Variants in ATP2C2 observed in about 807,000 individuals in gnomAD.
The protein encoded by ATP2C2 is ATPase secretory pathway Ca2+ transporting 2, also known as calcium-transporting ATPase type 2C member 2.
Under a neutral mutation model 110.8 loss-of-function variants are expected in ATP2C2, and 171 were observed. That is an observed-to-expected ratio of 1.54 (90% CI 1.36 to 1.75). The LOEUF is 1.75. Ranked by LOEUF, ATP2C2 falls within the 40% of genes most tolerant of loss-of-function variation. ATP2C2 has a pLI of 0.00. For missense variants in ATP2C2, 1,963 were observed against 1,235.0 expected, an observed-to-expected ratio of 1.59 and a Z score of -8.84; for synonymous variants, 804 against 508.4, an observed-to-expected ratio of 1.58 and a Z score of -7.82.
intron 7 of ATP2C2, among the ~76,000 whole-genome samples, chr16:84,416,704 C>T (rs1597796987): frequency 2.0e-5 from 3 of 152,136 alleles, no homozygotes; most frequent in Non-Finnish European, 4.4e-5. Context: ...GAGGGTTCGC[C>T]CTCGGGCTCA....
Position 84,430,709 on chromosome 16 carries a change from G to A in ATP2C2, c.986+4908G>A, listed in dbSNP as rs187646523. On this transcript the variant is annotated intron_variant, in intron 11 of 26. Coordinates refer to ENST00000262429, the MANE Select transcript of ATP2C2 (RefSeq NM_014861.4). ...GAAGAGGGAGGGACCAGGGTCTTTTGGTGCTGGAGAAGGAGCAGGAGTAGA... is the reference window on the plus strand; with the variant it reads ...GAAGAGGGAGGGACCAGGGTCTTTTAGTGCTGGAGAAGGAGCAGGAGTAGA... Among the ~76,000 whole-genome samples, 5 of 151,578 alleles carry A rather than the reference G, an allele frequency of 3.3e-5. No homozygotes were observed. In the East Asian group the frequency reaches 9.7e-4, roughly 30 times the overall value.
chr16:84,410,422 G>C, intron 4 of ATP2C2, 146 bp from the exon 5 acceptor site: 2 of 920,720 alleles, frequency 2.2e-6, no homozygotes, highest in Non-Finnish European at 3.5e-6. Flanking sequence ...CTTTTGGCTA[G>C]TATATTTTCT....
chr16:84,399,111 C>G (rs577168275), intron 2 of ATP2C2, among the ~76,000 whole-genome samples: 4 of 152,198 alleles, frequency 2.6e-5, no homozygotes, highest in Non-Finnish European at 5.9e-5. Flanking sequence ...CTGGCCAGTG[C>G]AAGACAAACA....
At position 84,383,735 on chromosome 16, in the gene ATP2C2, C is replaced by CTGTGTGTGTGTGTGTGTGTGTGTGTGTG. The variant is rs143797673; in HGVS notation, c.100-14749_100-14748insGTGTGTGTGTGTGTGTGTGTGTGTGTGT. Among the ~76,000 whole-genome samples the CTGTGTGTGTGTGTGTGTGTGTGTGTGTG allele has an allele frequency of 9.1e-3, 1,248 of 137,576 alleles. 27 individuals are homozygous for CTGTGTGTGTGTGTGTGTGTGTGTGTGTG. The highest frequency in any genetic ancestry group is 0.014 in the South Asian group (56 of 3,932). The allele number at this position is 137,576 out of a possible 152,430, so 90.3% of individuals were successfully genotyped here. A position where few individuals can be genotyped will look rare whatever the true frequency, so the allele number is the denominator to read the frequency against. On this transcript the variant is annotated intron_variant, in intron 1 of 26. Coordinates refer to ENST00000262429, the MANE Select transcript of ATP2C2 (RefSeq NM_014861.4). ...GATGCTGTATTATTTCTGAATACAT[C>CTGTGTGTGTGTGTGTGTGTGTGTGTGTG]TGTGTGTGTGTGTGTATGTGTGTGT...
At chr16:84,386,138 A>G (rs564454307) in intron 1 of ATP2C2, among the ~76,000 whole-genome samples, 17 of 152,120 alleles carry the variant, frequency 1.1e-4, no homozygotes, top group Non-Finnish European at 2.2e-4. Flanking sequence ...GGAAAAAGCC[A>G]TTTCTCCCAG....
intron 18 of ATP2C2, among the ~76,000 whole-genome samples, chr16:84,452,410 A>G (rs1424859116): frequency 6.6e-6 from 1 of 151,524 alleles, no homozygotes; most frequent in Non-Finnish European, 1.5e-5. Flanking sequence ...TTCTGCCTCT[A>G]GCTGTGTACC....
In ATP2C2 at chr16:84,460,760, G is replaced by A; in HGVS notation, c.2440G>A (p.Ala814Thr). The A allele has an allele frequency of 5.6e-6, 9 of 1,614,038 alleles. No homozygotes were observed. Among genetic ancestry groups the A allele is most frequent in the Non-Finnish European group, 7.6e-6 (9 of 1,179,934 alleles). The change falls in exon 24 of 27, where the codon GCC (alanine) becomes ACC (threonine). Residue 814 changes from alanine to threonine, a missense_variant. Coordinates refer to ENST00000262429, the MANE Select transcript of ATP2C2 (RefSeq NM_014861.4). ...ALILKILMSA[A>T]IIISGTLFIF... ...CATCCTGAAGATCCTCATGTCCGCG[G>A]CCATCATCATCAGCGGGACCCTCTT...
chr16:84,453,297 C>A (rs114737121), intron 19 of ATP2C2, 24 bp from the exon 20 acceptor site: 1 of 1,614,068 alleles, frequency 6.2e-7, no homozygotes, highest in Non-Finnish European at 8.5e-7. Flanking sequence ...TCTGATTCTT[C>A]GTCTTCCCCG....
chr16:84,389,329 G>A (rs573113195), intron 1 of ATP2C2, among the ~76,000 whole-genome samples: 1 of 152,326 alleles, frequency 6.6e-6, no homozygotes, highest in African/African-American at 2.4e-5. Context: ...GATCTGCACT[G>A]GGGCCCGCCC....
chr16:84,462,175 T>TG (rs780662548), intron 26 of ATP2C2, 46 bp downstream of exon 26: 22 of 1,582,916 alleles, frequency 1.4e-5, no homozygotes, highest in East Asian at 4.5e-5. Context: ...ACCAGGGCCA[T>TG]GGGGGGCGGC....
chr16:84,406,311 TCA>T (rs1298331597), intron 3 of ATP2C2, among the ~76,000 whole-genome samples: 1 of 152,206 alleles, frequency 6.6e-6, no homozygotes, highest in Non-Finnish European at 1.5e-5. Flanking sequence ...CAGGACCAGT[TCA>T]GAAAGGCTCA....
intron 7 of ATP2C2, among the ~76,000 whole-genome samples, 157 bp downstream of exon 7, chr16:84,415,748 C>T (rs1257881633): frequency 6.6e-6 from 1 of 152,216 alleles, no homozygotes; most frequent in African/African-American, 2.4e-5. Context: ...AGCAGACAAG[C>T]GTGTTCTACG....
chr16:84,388,100 G>A (rs938934794), intron 1 of ATP2C2, among the ~76,000 whole-genome samples: 1 of 152,118 alleles, frequency 6.6e-6, no homozygotes, highest in South Asian at 2.1e-4. Context: ...GGGAGGCCGA[G>A]GTGGGTAGAT....
chr16:84,453,014 G>A, intron 18 of ATP2C2, 124 bp from the exon 19 acceptor site: 2 of 958,276 alleles, frequency 2.1e-6, no homozygotes, highest in Non-Finnish European at 3.1e-6. Context: ...AGCATGGTAG[G>A]TCCTCAGTAA....
At chr16:84,426,867 G>C (rs1907856299) in intron 11 of ATP2C2, among the ~76,000 whole-genome samples, 1 of 152,184 alleles carries the variant, frequency 6.6e-6, no homozygotes, top group Non-Finnish European at 1.5e-5. Flanking sequence ...CTTCTACGTA[G>C]TGATTCATAA....
Position 84,439,443 on chromosome 16 carries a change from C to T in ATP2C2, c.1128C>T (p.Leu376=), listed in dbSNP as rs752437549. The change falls in exon 13 of 27, where the codon CTC becomes CTT. Residue 376 remains leucine (L), a synonymous_variant. Coordinates refer to ENST00000262429, the MANE Select transcript of ATP2C2 (RefSeq NM_014861.4). ...TTGTACCAGGTTGCTGCAGCGTTCT[C>T]TGTTCTGACAAGACGGGGACTCTGA... ...IVETLGCCSV[L]CSDKTGTLTA... is the part of the protein sequence containing the mutation. 1.9e-6 allele frequency: 3 copies of T among 1,614,190 alleles called. No individual in the cohort carries two copies. The highest frequency in any genetic ancestry group is 2.5e-6 in the Non-Finnish European group (3 of 1,180,032).
At chr16:84,411,055 A>C (rs922217191) in intron 6 of ATP2C2, 30 of 499,918 alleles carry the variant, frequency 6.0e-5, no homozygotes, top group Middle Eastern at 5.7e-4. Context: ...TAGCCCACAA[A>C]GCCTGTGAAA....
At chr16:84,416,620 C>G (rs959923794) in intron 7 of ATP2C2, among the ~76,000 whole-genome samples, 1 of 152,186 alleles carries the variant, frequency 6.6e-6, no homozygotes, top group Non-Finnish European at 1.5e-5. Context: ...GACATTGATC[C>G]TCTCTGCCGT....
At chr16:84,372,118 C>G (rs891413757) in intron 1 of ATP2C2, among the ~76,000 whole-genome samples, 2 of 152,070 alleles carry the variant, frequency 1.3e-5, no homozygotes. Flanking sequence ...AGAGGAGGGT[C>G]GTACGGAGCC....
Sources: allele counts gnomAD v4.1 joint callset (sites outside exome capture counted in the v4.1 genomes callset), GRCh38; gene constraint gnomAD v4.1.1; transcripts MANE v1.5; gene names NCBI Gene and HGNC (gene_info 2026-07-23, HGNC 2026-07-21).